KPNA7: variants seen among roughly 807,000 people sequenced by gnomAD.
KPNA7 encodes the protein importin subunit alpha-8.
KPNA7 carries 54 observed loss-of-function variants against 53.7 expected under a neutral mutation model. The ratio of observed to expected loss-of-function variants is 1.01; its 90% confidence interval spans 0.81 to 1.26. KPNA7 has a LOEUF of 1.26. Among genes scored for constraint, KPNA7 ranks in the 50% most tolerant of loss-of-function variants. The probability of loss-of-function intolerance (pLI) is 0.00; values close to 1 mark genes in which losing one functional copy is unlikely to be tolerated. For missense variants in KPNA7, 640 were observed against 644.5 expected (o/e 0.99, Z 0.07); for synonymous variants, 276 against 259.3 (o/e 1.06, Z -0.62).
At chr7:99,186,257 AAAC>A (rs1050343881) in intron 7 of KPNA7, among the ~76,000 whole-genome samples, 11 of 152,300 alleles carry the variant, frequency 7.2e-5, no homozygotes, top group South Asian at 2.1e-4. Flanking sequence ...ATTGGGCTCA[AAAC>A]AACAACTCTC....
chr7:99,168,392 A>G, the KPNA7 span, among the ~76,000 whole-genome samples: 1 of 152,160 alleles, frequency 6.6e-6, no homozygotes, highest in East Asian at 1.9e-4. Context: ...AGTATCCCCA[A>G]CAGAGCAAAA....
At chr7:99,173,860 CAAG>C in intron 10 of KPNA7, 66 bp from the exon 11 acceptor site, 2 of 940,446 alleles carry the variant, frequency 2.1e-6, no homozygotes, top group South Asian at 3.0e-5. Context: ...GCACATTTGG[CAAG>C]ATGCACCTTG....
At chr7:99,181,530 G>A (rs1285389200) in intron 9 of KPNA7, among the ~76,000 whole-genome samples, 1 of 152,184 alleles carries the variant, frequency 6.6e-6, no homozygotes, top group African/African-American at 2.4e-5. Context: ...TAGAGGTATT[G>A]GGGGAAGAGA....
chr7:99,198,344 T>C (rs1471811025), intron 3 of KPNA7, among the ~76,000 whole-genome samples: 2 of 152,006 alleles, frequency 1.3e-5, no homozygotes, highest in Admixed American at 1.3e-4. Context: ...TAAGCTAATA[T>C]CCCTTATAAC....
At chr7:99,146,502 G>A in the KPNA7 span, among the ~76,000 whole-genome samples, 1 of 151,924 alleles carries the variant, frequency 6.6e-6, no homozygotes, top group African/African-American at 2.4e-5. Flanking sequence ...TTACCTGCGA[G>A]CAGGAGTTCG....
the KPNA7 span, among the ~76,000 whole-genome samples, chr7:99,151,024 C>T: frequency 6.6e-6 from 1 of 152,146 alleles, no homozygotes; most frequent in Non-Finnish European, 1.5e-5. Context: ...TACTTAAATA[C>T]GTTCACAGAA....
chr7:99,182,702 G>T (rs1789330656), intron 8 of KPNA7, among the ~76,000 whole-genome samples: 1 of 152,252 alleles, frequency 6.6e-6, no homozygotes, highest in Admixed American at 6.5e-5. Flanking sequence ...CTCAGGTGGG[G>T]TCTTAGAGGG....
At chr7:99,151,448 T>G in the KPNA7 span, among the ~76,000 whole-genome samples, 1 of 132,618 alleles carries the variant, frequency 7.5e-6, no homozygotes, top group African/African-American at 2.5e-5. Context: ...GTTTTGTTTG[T>G]TTGTTTTTGG....
chr7:99,178,812 T>G (rs2150703518), intron 9 of KPNA7, among the ~76,000 whole-genome samples: 1 of 125,720 alleles, frequency 8.0e-6, no homozygotes, highest in South Asian at 2.8e-4. Flanking sequence ...AAAAAGAGTC[T>G]CGCTCTATCG....
intron 3 of KPNA7, among the ~76,000 whole-genome samples, chr7:99,200,113 G>A (rs1001249583): frequency 6.6e-6 from 1 of 152,166 alleles, no homozygotes. Flanking sequence ...ATGTTGGCCA[G>A]GATGGTCTTG....
the KPNA7 span, among the ~76,000 whole-genome samples, chr7:99,159,578 T>C: frequency 1.3e-5 from 2 of 152,100 alleles, no homozygotes; most frequent in African/African-American, 4.8e-5. Context: ...ACCCCATGTG[T>C]GTATCTGTCA....
chr7:99,146,880 G>A, the KPNA7 span, among the ~76,000 whole-genome samples: 318 of 152,066 alleles, frequency 2.1e-3, 9 homozygotes, highest in South Asian at 0.061. Flanking sequence ...CCTATTTTAC[G>A]ATAAAGTTAT....
intron 2 of KPNA7, among the ~76,000 whole-genome samples, 161 bp downstream of exon 2, chr7:99,207,240 G>A (rs1368886841): frequency 6.6e-6 from 1 of 152,040 alleles, no homozygotes; most frequent in African/African-American, 2.4e-5. Flanking sequence ...ACACCATGTT[G>A]GCCAGGATCG....
At position 99,188,529 on chromosome 7, in the gene KPNA7, G is replaced by C; in HGVS notation, c.671C>G (p.Ser224Trp). ...TFLRNITWTL[S>W]NLCRNKNPYP... Reference sequence around the variant, plus strand: ...TGGGTTCTTGTTTCGGCACAGATTCGACAAGGTCCACGTGATGTTCCGCAG... The same window carrying C: ...TGGGTTCTTGTTTCGGCACAGATTCCACAAGGTCCACGTGATGTTCCGCAG... Residue 224 changes from serine to tryptophan, a missense_variant, in exon 7 of 11, where the codon TCG becomes TGG. Ser to Trp is a radical substitution (Grantham distance 177). Coordinates refer to ENST00000327442, the MANE Select transcript of KPNA7 (RefSeq NM_001145715.3). The C allele has an allele frequency of 6.4e-7, 1 of 1,551,658 alleles. No individual in the cohort carries two copies. The highest frequency in any genetic ancestry group is 8.7e-7 in the Non-Finnish European group (1 of 1,146,972).
the KPNA7 span, among the ~76,000 whole-genome samples, chr7:99,150,261 A>G: frequency 2.0e-5 from 3 of 151,556 alleles, no homozygotes; most frequent in African/African-American, 7.3e-5. Flanking sequence ...AAACCTGGCT[A>G]ATTTTTATAT....
intron 6 of KPNA7, 36 bp downstream of exon 6, chr7:99,192,983 T>G (rs1438384932): frequency 2.0e-5 from 27 of 1,348,732 alleles, no homozygotes; most frequent in Non-Finnish European, 2.5e-5. Context: ...AAATTTTAAT[T>G]TAAAAAAAAA....
the KPNA7 span, among the ~76,000 whole-genome samples, chr7:99,153,690 T>C: frequency 6.6e-6 from 1 of 151,978 alleles, no homozygotes; most frequent in African/African-American, 2.4e-5. Flanking sequence ...AGGTTCCAGA[T>C]GGGTGCAGTG....
the KPNA7 span, among the ~76,000 whole-genome samples, chr7:99,163,736 T>A: frequency 2.0e-5 from 3 of 152,102 alleles, no homozygotes; most frequent in Admixed American, 2.0e-4. Context: ...CATTATTTAA[T>A]GTAAAAATTC....
chr7:99,165,017 T>C, the KPNA7 span, among the ~76,000 whole-genome samples: 1 of 152,166 alleles, frequency 6.6e-6, no homozygotes, highest in Non-Finnish European at 1.5e-5. Context: ...GGCATGTGCC[T>C]GTAATCCCAG....
Sources: gnomAD v4.1 joint callset for allele counts (sites outside exome capture counted in the v4.1 genomes callset) on GRCh38, gnomAD v4.1.1 for gene constraint, MANE v1.5 for transcripts, NCBI Gene and HGNC (gene_info 2026-07-23, HGNC 2026-07-21) for gene names.